The following TNRC6B variants were observed in gnomAD, a reference collection of about 807,000 sequenced individuals.
TNRC6B encodes the protein trinucleotide repeat containing adaptor 6B, also known as trinucleotide repeat-containing gene 6B protein.
A neutral mutation model predicts 203.6 loss-of-function variants in TNRC6B; 52 were observed. The observed-to-expected ratio is 0.26, with a 90% CI of 0.20 to 0.32. The LOEUF (loss-of-function observed/expected upper bound fraction) is 0.32. Among genes scored for constraint, TNRC6B ranks in the 10% least tolerant of loss-of-function variants. The pLI, the probability that TNRC6B is intolerant of heterozygous loss-of-function variation, is 1.00. For missense variants in TNRC6B, 1,923 were observed against 2,286.2 expected, an observed-to-expected ratio of 0.84 and a Z score of 3.24; for synonymous variants, 838 against 845.7, an observed-to-expected ratio of 0.99 and a Z score of 0.16.
rs548930668 is a variant in TNRC6B at position 40,219,946 on chromosome 22, C to T, written c.6-26069C>T. On this transcript the variant is annotated intron_variant, in intron 1 of 22. Coordinates refer to ENST00000454349, the MANE Select transcript of TNRC6B (RefSeq NM_001162501.2). Reference sequence around the variant, plus strand: ...TCTGTCCTGAGTACCCAGAACAAAGCGTGGCCTATGGAGGACACTAAATGA... The same window carrying T: ...TCTGTCCTGAGTACCCAGAACAAAGTGTGGCCTATGGAGGACACTAAATGA... Among the ~76,000 whole-genome samples the T allele has an allele frequency of 5.9e-5, 9 of 152,250 alleles. No homozygotes were observed. The East Asian group carries it at 1.2e-3, about 20-fold the overall frequency.
At position 40,325,404 on chromosome 22, in the gene TNRC6B, T is replaced by G. The variant is rs2071388947; in HGVS notation, c.*2163T>G. On this transcript the variant is annotated 3_prime_UTR_variant, in exon 23 of 23. Coordinates refer to ENST00000454349, the MANE Select transcript of TNRC6B (RefSeq NM_001162501.2). ...CTGTAGCCCTTCTGGCTTACCCTGT[T>G]GATTATAAACCTAGCCTCAAAAGAG... The G allele has an allele frequency of 6.6e-6, 1 of 152,644 alleles. No homozygotes were observed. 9.5% of individuals were successfully genotyped at this position (152,644 alleles called of 1,614,324 possible). A position where few individuals can be genotyped will look rare whatever the true frequency, so the allele number is the denominator to read the frequency against.
intron 12 of TNRC6B, among the ~76,000 whole-genome samples, chr22:40,293,108 A>G (rs1371966078): frequency 1.3e-5 from 2 of 151,128 alleles, no homozygotes; most frequent in Admixed American, 6.6e-5. Flanking sequence ...TACCTATTCT[A>G]CTACCAGGTC....
At chr22:40,311,125 C>T (rs2071173969) in intron 17 of TNRC6B, 132 bp downstream of exon 17, 1 of 1,072,446 alleles carries the variant, frequency 9.3e-7, no homozygotes, top group African/African-American at 1.6e-5. Flanking sequence ...CAATAATTGT[C>T]TGTTAGAAGC....
rs962657564 is a variant in TNRC6B at position 40,331,236 on chromosome 22, G to A, written c.*7995G>A. 1 of 153,132 alleles carries A rather than the reference G, an allele frequency of 6.5e-6. No homozygotes were observed. Among genetic ancestry groups the A allele is most frequent in the Non-Finnish European group, 1.5e-5 (1 of 68,450 alleles). The allele number at this position is 153,132 out of a possible 1,614,324, so 9.5% of individuals were successfully genotyped here. ...TCACGTTGCTGTTGATGCAAACAGG[G>A]TATTACACACAAGGAAAAGGGGTTT... On this transcript the variant is annotated 3_prime_UTR_variant, in exon 23 of 23. Transcript: ENST00000454349.
At chr22:40,260,527 G>A (rs2070364087) in intron 3 of TNRC6B, among the ~76,000 whole-genome samples, 1 of 152,188 alleles carries the variant, frequency 6.6e-6, no homozygotes, top group Admixed American at 6.5e-5. Context: ...TTTTTGAATG[G>A]AGAATTTTCA....
chr22:40,240,723 G>T (rs771462688), intron 1 of TNRC6B, among the ~76,000 whole-genome samples: 1 of 152,182 alleles, frequency 6.6e-6, no homozygotes, highest in Non-Finnish European at 1.5e-5. Flanking sequence ...AAATATGAAT[G>T]ATTTCTCTTG....
chr22:40,148,842 A>C (rs972043217), intron 3 of TNRC6B, among the ~76,000 whole-genome samples: 9 of 152,208 alleles, frequency 5.9e-5, no homozygotes, highest in African/African-American at 2.2e-4. Context: ...ATACCATGTG[A>C]AACTGAAGAC....
At position 40,251,184 on chromosome 22, in the gene TNRC6B, G is replaced by A. The variant is rs769831312; in HGVS notation, c.99G>A (p.Thr33=). The part of the protein sequence containing the change: ...KKKKEATQKV[T]EQKTKVPEVT... ...TTTATCTGTTTATTTTGCAGGTCACGGAACAAAAAACCAAAGGTAAGATCT... is the reference window on the plus strand; with the variant it reads ...TTTATCTGTTTATTTTGCAGGTCACAGAACAAAAAACCAAAGGTAAGATCT... Residue 33 remains threonine, a synonymous_variant, in exon 3 of 23, where the codon ACG becomes ACA. Transcript: ENST00000454349. 2.2e-5 allele frequency: 34 copies of A among 1,533,126 alleles called. No individual in the cohort carries two copies. The highest frequency in any genetic ancestry group is 2.8e-5 in the Non-Finnish European group (32 of 1,137,182). 95.0% of individuals were successfully genotyped at this position (1,533,126 alleles called of 1,614,324 possible).
intron 1 of TNRC6B, among the ~76,000 whole-genome samples, chr22:40,076,887 CG>C (rs1375807311): frequency 6.6e-6 from 1 of 151,702 alleles, no homozygotes; most frequent in Non-Finnish European, 1.5e-5. Flanking sequence ...TAGCTGGGTG[CG>C]GGGGTGTGCA....
At chr22:40,226,144 C>T (rs908943777) in intron 1 of TNRC6B, among the ~76,000 whole-genome samples, 3 of 152,172 alleles carry the variant, frequency 2.0e-5, no homozygotes, top group East Asian at 1.9e-4. Context: ...TATACATTTT[C>T]GTCAAGGTAA....
At chr22:40,146,871 C>T (rs900927129) in intron 3 of TNRC6B, among the ~76,000 whole-genome samples, 3 of 152,104 alleles carry the variant, frequency 2.0e-5, no homozygotes, top group South Asian at 2.1e-4. Context: ...GAACAAGAAA[C>T]GTTTTCTAAG....
At chr22:40,205,479 G>C (rs1158495170) in intron 1 of TNRC6B, among the ~76,000 whole-genome samples, 2 of 152,204 alleles carry the variant, frequency 1.3e-5, no homozygotes, top group East Asian at 3.8e-4. Flanking sequence ...ATGGTTCACT[G>C]TTGGTTTGTC....
intron 2 of TNRC6B, among the ~76,000 whole-genome samples, chr22:40,123,280 A>G (rs552230751): frequency 6.6e-6 from 1 of 152,222 alleles, no homozygotes; most frequent in African/African-American, 2.4e-5. Context: ...AGGGAGGAGG[A>G]GTCGGTAACG....
chr22:40,202,691 A>G (rs1330202329), intron 1 of TNRC6B, among the ~76,000 whole-genome samples: 1 of 152,118 alleles, frequency 6.6e-6, no homozygotes, highest in African/African-American at 2.4e-5. Flanking sequence ...CCCTGGCCAC[A>G]GGGATCCCTA....
rs61374373 is a variant in TNRC6B, at chr22:40,222,728, C to CTTTTTTTTTTTTTTTTTTTTTT, written c.6-23275_6-23254dup. On this transcript the variant is annotated intron_variant, in intron 1 of 22. Transcript: ENST00000454349. ...ATCTTGCTGTATTCTCTCTCTCTCT[C>CTTTTTTTTTTTTTTTTTTTTTT]TTTTTTTTTTTTTTTTTTTTTTTTT... Among the ~76,000 whole-genome samples, 12 of 40,214 alleles carry CTTTTTTTTTTTTTTTTTTTTTT rather than the reference C, an allele frequency of 3.0e-4. 1 individual carries two copies. The highest frequency in any genetic ancestry group is 1.5e-3 in the South Asian group (1 of 678). The allele number at this position is 40,214 out of a possible 152,430, so 26.4% of individuals were successfully genotyped here. A position where few individuals can be genotyped will look rare whatever the true frequency, so the allele number is the denominator to read the frequency against.
At chr22:40,079,579 A>C (rs940497778) in intron 1 of TNRC6B, among the ~76,000 whole-genome samples, 1 of 151,438 alleles carries the variant, frequency 6.6e-6, no homozygotes. Flanking sequence ...AAGTATATAT[A>C]TATATTTTTT....
At chr22:40,296,329 T>A (rs1394837274) in intron 12 of TNRC6B, among the ~76,000 whole-genome samples, 1 of 146,864 alleles carries the variant, frequency 6.8e-6, no homozygotes, top group Non-Finnish European at 1.5e-5. Flanking sequence ...ATGGTGAATT[T>A]TTTTTTTTTT....
chr22:40,123,785 G>A (rs762594472), intron 2 of TNRC6B, among the ~76,000 whole-genome samples: 5 of 152,108 alleles, frequency 3.3e-5, no homozygotes, highest in Admixed American at 1.3e-4. Flanking sequence ...CTGTTTCAGT[G>A]AAGTAGGAGA....
At chr22:40,055,640 T>G (rs1356305251) in intron 1 of TNRC6B, among the ~76,000 whole-genome samples, 1 of 152,232 alleles carries the variant, frequency 6.6e-6, no homozygotes, top group Non-Finnish European at 1.5e-5. Flanking sequence ...ACAACGGCAC[T>G]TGTCACTTCT....
Sources: gnomAD v4.1 joint callset for allele counts (sites outside exome capture counted in the v4.1 genomes callset) on GRCh38, gnomAD v4.1.1 for gene constraint, MANE v1.5 for transcripts, NCBI Gene and HGNC (gene_info 2026-07-23, HGNC 2026-07-21) for gene names.